The following GTF2IRD1 variants were observed in gnomAD, a reference collection of about 807,000 sequenced individuals.
GTF2IRD1 encodes the protein GTF2I repeat domain containing 1.
Under a neutral mutation model 113.2 loss-of-function variants are expected in GTF2IRD1, and 26 were observed. The ratio of observed to expected loss-of-function variants is 0.23; its 90% CI spans 0.17 to 0.32. GTF2IRD1 has a LOEUF of 0.32. Among genes scored for constraint, GTF2IRD1 ranks in the 10% least tolerant of loss-of-function variants. The probability of loss-of-function intolerance (pLI) is 1.00; values close to 1 mark genes in which losing one functional copy is unlikely to be tolerated. For synonymous variants in GTF2IRD1, 484 were observed against 529.1 expected (o/e 0.91, Z 1.17); for missense variants, 864 against 1,280.8 (o/e 0.67, Z 4.97).
At chr7:74,516,440 G>A (rs1051844424) in intron 4 of GTF2IRD1, among the ~76,000 whole-genome samples, 1 of 152,236 alleles carries the variant, frequency 6.6e-6, no homozygotes, top group Admixed American at 6.5e-5. Context: ...GCAGGAAGAG[G>A]AGACCTGGCC....
intron 22 of GTF2IRD1, among the ~76,000 whole-genome samples, chr7:74,569,003 T>C (rs1290934368): frequency 6.6e-6 from 1 of 152,076 alleles, no homozygotes; most frequent in East Asian, 1.9e-4. Context: ...CCCCAGGAAA[T>C]AAGACGGGAG....
At chr7:74,575,826 A>G (rs1554364372) in intron 22 of GTF2IRD1, among the ~76,000 whole-genome samples, 2 of 152,096 alleles carry the variant, frequency 1.3e-5, no homozygotes, top group East Asian at 1.9e-4. Flanking sequence ...GGCTCAGGGG[A>G]GCAGTCCAGG....
In GTF2IRD1 at chr7:74,505,000, G is replaced by A. The variant is rs547142320; in HGVS notation, c.-6-3075G>A. On this transcript the variant is annotated intron_variant, in intron 1 of 26. Transcript: ENST00000424337. ...TGGGATTACAGACATGAGCCACTGC[G>A]CCTGGCCCTGCTATCAGAATTTTTA... Among the ~76,000 whole-genome samples the A allele has an allele frequency of 2.6e-5, 4 of 152,010 alleles. No individual in the cohort carries two copies. In the East Asian group the frequency reaches 7.8e-4, roughly 29 times the overall value.
At chr7:74,461,278 G>A (rs1554329165) in intron 1 of GTF2IRD1, among the ~76,000 whole-genome samples, 1 of 152,180 alleles carries the variant, frequency 6.6e-6, no homozygotes, top group African/African-American at 2.4e-5. Flanking sequence ...TAAGCAGGGG[G>A]CAGCTTAGCC....
chr7:74,505,174 C>T (rs782593961), intron 1 of GTF2IRD1, among the ~76,000 whole-genome samples: 6 of 152,104 alleles, frequency 3.9e-5, no homozygotes, highest in African/African-American at 1.4e-4. Flanking sequence ...CATGAACCAC[C>T]GCACCCGGCC....
intron 25 of GTF2IRD1, among the ~76,000 whole-genome samples, chr7:74,599,489 A>G (rs1802617905): frequency 6.6e-6 from 1 of 152,104 alleles, no homozygotes; most frequent in Non-Finnish European, 1.5e-5. Context: ...TGGTTTCCCC[A>G]TTTGACTCAG....
At chr7:74,569,513 G>A (rs1432363577) in intron 22 of GTF2IRD1, among the ~76,000 whole-genome samples, 2 of 152,320 alleles carry the variant, frequency 1.3e-5, no homozygotes, top group East Asian at 3.9e-4. Flanking sequence ...CTGCCGGAAT[G>A]GTAAAGGGCC....
intron 1 of GTF2IRD1, among the ~76,000 whole-genome samples, chr7:74,455,942 T>C (rs146597046): frequency 6.6e-6 from 1 of 152,322 alleles, no homozygotes; most frequent in African/African-American, 2.4e-5. Context: ...GTTGTAAAAC[T>C]GGGTCTTGAA....
At chr7:74,494,088 A>G (rs1289856425) in intron 1 of GTF2IRD1, among the ~76,000 whole-genome samples, 1 of 152,164 alleles carries the variant, frequency 6.6e-6, no homozygotes, top group African/African-American at 2.4e-5. Flanking sequence ...AGTGTCAAAC[A>G]ACAGTCATTT....
intron 1 of GTF2IRD1, among the ~76,000 whole-genome samples, chr7:74,504,464 G>A (rs1405427973): frequency 1.3e-5 from 2 of 152,166 alleles, no homozygotes; most frequent in Non-Finnish European, 2.9e-5. Context: ...CCAGTTGGCT[G>A]TGTGTCAGCT....
At chr7:74,538,909 C>T (rs782206460) in intron 13 of GTF2IRD1, 149 bp downstream of exon 13, 1 of 609,724 alleles carries the variant, frequency 1.6e-6, no homozygotes, top group Non-Finnish European at 2.9e-6. Context: ...AATGCTTTTT[C>T]TGGCCACATC....
At chr7:74,563,911 C>T (rs1800131246) in intron 22 of GTF2IRD1, among the ~76,000 whole-genome samples, 1 of 151,888 alleles carries the variant, frequency 6.6e-6, no homozygotes, top group Non-Finnish European at 1.5e-5. Context: ...AAAAGAATGG[C>T]TCTGAGATTT....
At position 74,456,255 on chromosome 7, in the gene GTF2IRD1, C is replaced by T. The variant is rs59154557; in HGVS notation, c.-7+2079C>T. 7.8e-3 allele frequency among the ~76,000 whole-genome samples: 1,186 copies of T among 152,180 alleles called. 15 individuals carry two copies. The highest frequency in any genetic ancestry group is 0.027 in the African/African-American group (1,108 of 41,524). On this transcript the variant is annotated intron_variant, in intron 1 of 26. Coordinates refer to ENST00000424337, the MANE Select transcript of GTF2IRD1 (RefSeq NM_005685.4). ...ACAGCTTGGTTGTTGGACCTGGGGT[C>T]TTGTGGATGGTGGGTGATGGCTTGG...
chr7:74,502,724 G>C (rs2129894338), intron 1 of GTF2IRD1, among the ~76,000 whole-genome samples: 1 of 152,358 alleles, frequency 6.6e-6, no homozygotes, highest in South Asian at 2.1e-4. Flanking sequence ...ATCTGCTGCT[G>C]TCTGGGCAAG....
At position 74,515,489 on chromosome 7, in the gene GTF2IRD1, A is replaced by ATTCAACAAATGACCTC; in HGVS notation, c.314_315insTTCAACAAATGACCTC (p.Gln105HisfsTer14). On this transcript the variant is annotated frameshift_variant, in exon 4 of 27. Transcript: ENST00000424337. LOFTEE classifies it high-confidence loss of function. ...GAGGCAGAGCACCCCAAGAAGGTGC[A>ATTCAACAAATGACCTC]GCGGGGCGAGGGTGGAGGCCGTAGC... is the stretch of plus-strand genomic sequence containing the variant. The ATTCAACAAATGACCTC allele has an allele frequency of 6.2e-7, 1 of 1,611,234 alleles. No individual in the cohort carries two copies. Among genetic ancestry groups the ATTCAACAAATGACCTC allele is most frequent in the Non-Finnish European group, 8.5e-7 (1 of 1,178,584 alleles).
At chr7:74,549,774 G>A (rs1444030464) in intron 17 of GTF2IRD1, among the ~76,000 whole-genome samples, 2 of 152,066 alleles carry the variant, frequency 1.3e-5, no homozygotes, top group African/African-American at 4.8e-5. Flanking sequence ...GGTGGCTCAC[G>A]CCTGTAATCC....
intron 1 of GTF2IRD1, among the ~76,000 whole-genome samples, chr7:74,476,169 T>C (rs937173288): frequency 6.6e-6 from 1 of 152,132 alleles, no homozygotes; most frequent in Admixed American, 6.6e-5. Flanking sequence ...TCTGGACTCC[T>C]GTCTGTAAAA....
chr7:74,541,964 G>A (rs587729546), intron 14 of GTF2IRD1, among the ~76,000 whole-genome samples: 61 of 148,830 alleles, frequency 4.1e-4, no homozygotes, highest in Middle Eastern at 6.9e-3. Context: ...GGAACGGTAG[G>A]ACCTATGTGT....
Position 74,529,837 on chromosome 7 carries a change from C to A in GTF2IRD1, c.1194C>A (p.Phe398Leu). Residue 398 changes from phenylalanine (F) to leucine (L), a missense_variant, in exon 9 of 27, where the codon TTC becomes TTA. By Grantham distance (22) the Phe-to-Leu change is conservative. This residue lies in a region of GTF2IRD1 where 218 missense variants were observed against 352.6 expected (regional missense o/e 0.62). Coordinates refer to ENST00000424337, the MANE Select transcript of GTF2IRD1 (RefSeq NM_005685.4). Reference sequence around the variant, plus strand: ...TGGGCATCCCGGACAAGATCCCCTTCAAGCGCCCCTGCACTTATGGAGTCC... The same window carrying A: ...TGGGCATCCCGGACAAGATCCCCTTAAAGCGCCCCTGCACTTATGGAGTCC... ...EIVGIPDKIP[F>L]KRPCTYGVPK... 6.2e-7 allele frequency: 1 copy of A among 1,614,076 alleles called. No homozygotes were observed. The highest frequency in any genetic ancestry group is 1.1e-5 in the South Asian group (1 of 91,084).
Sources: gnomAD v4.1 joint callset for allele counts (sites outside exome capture counted in the v4.1 genomes callset) on GRCh38, gnomAD v4.1.1 for gene constraint, gnomAD v4.1.1 regional missense constraint, MANE v1.5 for transcripts, NCBI Gene and HGNC (gene_info 2026-07-23, HGNC 2026-07-21) for gene names.